DPP6: variants seen among roughly 807,000 people sequenced by gnomAD.
DPP6 encodes A-type potassium channel modulatory protein DPP6.
DPP6 carries 69 observed loss-of-function variants against 122.6 expected under a neutral mutation model. That is an observed-to-expected ratio of 0.56 (90% CI 0.46 to 0.69). The LOEUF (loss-of-function observed/expected upper bound fraction) is 0.69. Ranked by LOEUF, DPP6 falls within the 30% of genes least tolerant of loss-of-function variation. The pLI is 0.00. For missense variants in DPP6, 928 were observed against 1,116.9 expected, an observed-to-expected ratio of 0.83 and a Z score of 2.41; for synonymous variants, 418 against 433.1, an observed-to-expected ratio of 0.97 and a Z score of 0.43.
Position 154,760,891 on chromosome 7 carries a change from A to G in DPP6, c.884-8526A>G, listed in dbSNP as rs1226416153. Reference sequence around the variant, plus strand: ...GCTGTGTCGCCCAGGCTTGAGTGCAATGGTGCAATCTCGACTCACTGCAAC... The same window carrying G: ...GCTGTGTCGCCCAGGCTTGAGTGCAGTGGTGCAATCTCGACTCACTGCAAC... On this transcript the variant is annotated intron_variant, in intron 8 of 25. Transcript: ENST00000377770. The surrounding 1 kb of genome is among the most constrained non-coding windows in gnomAD (Gnocchi z 4.5). Among the ~76,000 whole-genome samples the G allele has an allele frequency of 2.0e-5, 3 of 150,918 alleles. No individual in the cohort carries two copies. The highest frequency in any genetic ancestry group is 2.9e-5 in the Non-Finnish European group (2 of 67,886).
chr7:154,563,780 T>C (rs1351219345), intron 4 of DPP6, among the ~76,000 whole-genome samples: 2 of 152,140 alleles, frequency 1.3e-5, no homozygotes, highest in African/African-American at 2.4e-5. Context: ...AGGTATCCAT[T>C]TGACACTCAA....
intron 1 of DPP6, chr7:154,305,041 AGCCCCAGCCCCAGCCCCAG>A (rs1806184154): frequency 8.4e-5 from 1 of 11,912 alleles, no homozygotes; most frequent in Non-Finnish European, 2.5e-4. Flanking sequence ...CCCCAGCCCC[AGCCCCAGCCCCAGCCCCAG>A]CCCCAGCCCC....
the DPP6 span, among the ~76,000 whole-genome samples, chr7:153,786,947 T>C: frequency 0.34 from 45,696 of 135,906 alleles, 7,954 homozygotes; most frequent in South Asian, 0.42. Context: ...ATTTCCTTTT[T>C]TTTGTTTTTG....
intron 1 of DPP6, among the ~76,000 whole-genome samples, chr7:154,330,574 C>G (rs1473818687): frequency 6.6e-6 from 1 of 152,194 alleles, no homozygotes; most frequent in Non-Finnish European, 1.5e-5. Context: ...CGGACTGAGA[C>G]CGCTCCAGAC....
chr7:154,829,407 G>C (rs56033409), intron 16 of DPP6, among the ~76,000 whole-genome samples: 1 of 133,776 alleles, frequency 7.5e-6, no homozygotes, highest in Non-Finnish European at 1.6e-5. Context: ...GGAGAGAAGA[G>C]GGGGAGAGGA....
chr7:154,262,943 A>C (rs2150918602), intron 1 of DPP6, among the ~76,000 whole-genome samples: 1 of 152,358 alleles, frequency 6.6e-6, no homozygotes, highest in East Asian at 1.9e-4. Flanking sequence ...AGGTTACGAC[A>C]GTGGGGAAAC....
At chr7:154,303,107 A>C (rs1806019837) in intron 1 of DPP6, among the ~76,000 whole-genome samples, 1 of 152,136 alleles carries the variant, frequency 6.6e-6, no homozygotes, top group Admixed American at 6.5e-5. Context: ...TTAGCCTCTC[A>C]AGTAGCTGGG....
chr7:153,752,251 C>T, the DPP6 span, among the ~76,000 whole-genome samples: 1 of 119,382 alleles, frequency 8.4e-6, no homozygotes, highest in Admixed American at 8.8e-5. Flanking sequence ...GTACCACAGC[C>T]TCTTTTTTTT....
At chr7:154,022,905 A>G (rs181687084) in intron 1 of DPP6, among the ~76,000 whole-genome samples, 53 of 152,334 alleles carry the variant, frequency 3.5e-4, no homozygotes, top group Admixed American at 4.6e-4. Flanking sequence ...CCAACTGCCA[A>G]CTGGTTTGCA....
intron 4 of DPP6, among the ~76,000 whole-genome samples, chr7:154,555,519 T>C (rs956293468): frequency 6.6e-6 from 1 of 152,036 alleles, no homozygotes; most frequent in African/African-American, 2.4e-5. Flanking sequence ...TAATGCTAAA[T>C]GACGAGTTAA....
intron 1 of DPP6, among the ~76,000 whole-genome samples, chr7:154,035,654 A>AAAC (rs1799480960): frequency 6.6e-6 from 1 of 151,882 alleles, no homozygotes; most frequent in African/African-American, 2.4e-5. Flanking sequence ...TTATCCATCT[A>AAAC]AACACCCCTA....
intron 1 of DPP6, among the ~76,000 whole-genome samples, chr7:154,174,441 G>A (rs1797692193): frequency 6.6e-6 from 1 of 152,198 alleles, no homozygotes; most frequent in South Asian, 2.1e-4. Flanking sequence ...GATCTCCAGT[G>A]CACGGCACAT....
At chr7:153,755,625 C>A in the DPP6 span, among the ~76,000 whole-genome samples, 3 of 152,076 alleles carry the variant, frequency 2.0e-5, no homozygotes, top group Non-Finnish European at 4.4e-5. Context: ...GACCTTCCCC[C>A]TTCTGGGGCA....
In DPP6 at chr7:154,875,783, T is replaced by C; in HGVS notation, c.1884-123T>C. The C allele has an allele frequency of 3.6e-6, 5 of 1,374,944 alleles. No homozygotes were observed. Among genetic ancestry groups the C allele is most frequent in the Non-Finnish European group, 4.9e-6 (5 of 1,023,314 alleles). The allele number at this position is 1,374,944 out of a possible 1,614,324, so 85.2% of individuals were successfully genotyped here. A position where few individuals can be genotyped will look rare whatever the true frequency, so the allele number is the denominator to read the frequency against. On this transcript the variant is annotated intron_variant, in intron 19 of 25. Transcript: ENST00000377770. This position sits in a 1 kb window ranked among gnomAD's most constrained non-coding sequence, Gnocchi z 4.5. ...GGGCAACAGAATCTGGGGTATGGAG[T>C]TGAGCGTGTGGCAGCCGGGTCACGG...
In DPP6 at chr7:154,607,968, GTTTTTTCTTTT is replaced by G. The variant is rs1378170915; in HGVS notation, c.628-29835_628-29825del. On this transcript the variant is annotated intron_variant, in intron 5 of 25. Transcript: ENST00000377770. ...TGAACTATTCCTAAAATAATATTTA[GTTTTTTCTTTT>G]TTTTTTCTTTTTTTTTTTGAGACAG... Among the ~76,000 whole-genome samples the G allele has an allele frequency of 5.2e-5, 6 of 114,968 alleles. 1 individual carries two copies. The highest frequency in any genetic ancestry group is 2.0e-4 in the Admixed American group (2 of 10,126). 75.4% of individuals were successfully genotyped at this position (114,968 alleles called of 152,430 possible).
chr7:154,335,171 C>G lies in DPP6; in HGVS notation c.244-111043C>G, dbSNP rs901064848. ...AGCAGCTGATGTCACGCACTGTCTACTTAACATTGCCACGTTAATGTTAAT... is the reference window on the plus strand; with the variant it reads ...AGCAGCTGATGTCACGCACTGTCTAGTTAACATTGCCACGTTAATGTTAAT... On this transcript the variant is annotated intron_variant, in intron 1 of 25. Transcript: ENST00000377770. Among the ~76,000 whole-genome samples, 3 of 152,232 alleles carry G rather than the reference C, an allele frequency of 2.0e-5. No individual in the cohort carries two copies. In the East Asian group the frequency reaches 5.8e-4, roughly 29 times the overall value.
chr7:154,364,047 T>G (rs1811955779), intron 1 of DPP6, among the ~76,000 whole-genome samples: 1 of 152,188 alleles, frequency 6.6e-6, no homozygotes, highest in East Asian at 1.9e-4. Context: ...GGGAGTGGTC[T>G]CTTGTGCTTC....
rs1563294741 is a variant in DPP6, at chr7:154,188,418, CTTAAA to C, written c.243+135360_243+135364del. Among the ~76,000 whole-genome samples, 5 of 152,142 alleles carry C rather than the reference CTTAAA, an allele frequency of 3.3e-5. No homozygotes were observed. In the South Asian group the frequency reaches 8.3e-4, roughly 25 times the overall value. On this transcript the variant is annotated intron_variant, in intron 1 of 25. Coordinates refer to ENST00000377770, the MANE Select transcript of DPP6 (RefSeq NM_130797.4). ...TATCTTAATAAGACATAGTCCTTAT[CTTAAA>C]TTAATTTACAATCTAGTAGGGGTGA... is the stretch of plus-strand genomic sequence containing the variant.
intron 8 of DPP6, among the ~76,000 whole-genome samples, chr7:154,744,958 T>C (rs1008741036): frequency 6.6e-6 from 1 of 152,216 alleles, no homozygotes; most frequent in African/African-American, 2.4e-5. Flanking sequence ...CTGCCTGCAT[T>C]CTGTTTTGAT....
Sources: gnomAD v4.1 joint callset for allele counts (sites outside exome capture counted in the v4.1 genomes callset) on GRCh38, gnomAD v4.1.1 for gene constraint, Gnocchi (gnomAD v3.1) non-coding constraint, MANE v1.5 for transcripts, NCBI Gene and HGNC (gene_info 2026-07-23, HGNC 2026-07-21) for gene names.